Variants in FXR1 observed in about 807,000 individuals in gnomAD.
FXR1 encodes the protein RNA-binding protein FXR1.
A neutral mutation model predicts 84.0 loss-of-function variants in FXR1; 15 were observed. The ratio of observed to expected loss-of-function variants is 0.18; its 90% confidence interval spans 0.12 to 0.27. The LOEUF is 0.27. FXR1 is among the 10% of genes least tolerant of loss of function. The pLI, the probability that FXR1 is intolerant of heterozygous loss-of-function variation, is 1.00. For synonymous variants in FXR1, 245 were observed against 250.7 expected, an observed-to-expected ratio of 0.98 and a Z score of 0.21; for missense variants, 480 against 774.4, an observed-to-expected ratio of 0.62 and a Z score of 4.51.
chr3:180,916,859 G>A lies in FXR1; in HGVS notation c.51+4123G>A, dbSNP rs190604513. On this transcript the variant is annotated intron_variant, in intron 1 of 16. Transcript: ENST00000357559. ...TTACATTTTTTTGTTTTCTTGAGAC[G>A]GAGTCTTGCTCTGTCACCAGGCTGG... Among the ~76,000 whole-genome samples, 1,003 of 151,976 alleles carry A rather than the reference G, an allele frequency of 6.6e-3. 4 individuals carry two copies. Among genetic ancestry groups the A allele is most frequent in the Non-Finnish European group, 0.011 (717 of 67,982 alleles).
At chr3:180,930,123 C>T (rs767799046) in intron 1 of FXR1, among the ~76,000 whole-genome samples, 15 of 152,056 alleles carry the variant, frequency 9.9e-5, no homozygotes, top group Non-Finnish European at 2.1e-4. Flanking sequence ...ATTAGCTGGG[C>T]GTGGTGGCGT....
At chr3:180,965,212 C>T (rs1712667100) in intron 13 of FXR1, among the ~76,000 whole-genome samples, 1 of 152,028 alleles carries the variant, frequency 6.6e-6, no homozygotes, top group East Asian at 1.9e-4. Flanking sequence ...GACAGGGTTT[C>T]TCCATGTTGG....
rs529783282 is a variant in FXR1 at position 180,963,101 on chromosome 3, ATTTTTTT to A, written c.1198+23_1198+29del. On this transcript the variant is annotated intron_variant, in intron 13 of 16. Transcript: ENST00000357559. ...ACACCTCCGGTTATGGTAAAAAAAA[ATTTTTTT>A]TTTTTTTTTTTGGTAATAGTAATAA... The A allele has an allele frequency of 9.0e-5, 78 of 867,324 alleles. No homozygotes were observed. The highest frequency in any genetic ancestry group is 1.3e-4 in the Non-Finnish European group (75 of 556,334). The allele number at this position is 867,324 out of a possible 1,614,324, so 53.7% of individuals were successfully genotyped here.
chr3:180,974,695 A>G (rs1269042521), intron 15 of FXR1, among the ~76,000 whole-genome samples: 2 of 152,064 alleles, frequency 1.3e-5, no homozygotes, highest in Admixed American at 6.6e-5. Flanking sequence ...ACTCTGATCA[A>G]TGTCCACATT....
chr3:180,955,210 G>C (rs1722631348), intron 9 of FXR1, among the ~76,000 whole-genome samples: 1 of 151,976 alleles, frequency 6.6e-6, no homozygotes, highest in Non-Finnish European at 1.5e-5. Context: ...GGCCAGGCTG[G>C]TCTTGAACTC....
At chr3:180,923,072 A>C (rs1006856254) in intron 1 of FXR1, among the ~76,000 whole-genome samples, 1 of 151,742 alleles carries the variant, frequency 6.6e-6, no homozygotes, top group African/African-American at 2.4e-5. Context: ...GTTACTTTGG[A>C]GTTTTATTTT....
At chr3:180,935,955 G>A (rs891657828) in intron 3 of FXR1, among the ~76,000 whole-genome samples, 3 of 151,918 alleles carry the variant, frequency 2.0e-5, no homozygotes, top group Admixed American at 6.6e-5. Flanking sequence ...GCAATGGCGC[G>A]ATCTTGGCTC....
chr3:180,924,197 G>C (rs1327891556), intron 1 of FXR1, among the ~76,000 whole-genome samples: 1 of 152,094 alleles, frequency 6.6e-6, no homozygotes, highest in African/African-American at 2.4e-5. Flanking sequence ...TGATCTGCCT[G>C]CCTCGACCTC....
intron 8 of FXR1, 59 bp downstream of exon 8, chr3:180,951,527 T>C: frequency 8.3e-7 from 1 of 1,201,488 alleles, no homozygotes; most frequent in Non-Finnish European, 1.2e-6. Context: ...TGTTTGATTA[T>C]ATTTTTATCT....
chr3:180,925,310 A>AT (rs1560163525), intron 1 of FXR1, among the ~76,000 whole-genome samples: 1 of 151,660 alleles, frequency 6.6e-6, no homozygotes, highest in Admixed American at 6.6e-5. Flanking sequence ...CAGTGAGCTG[A>AT]TATCAGGCCA....
chr3:180,937,601 ATG>A (rs924847463), intron 3 of FXR1, among the ~76,000 whole-genome samples: 2 of 152,186 alleles, frequency 1.3e-5, no homozygotes, highest in African/African-American at 2.4e-5. Flanking sequence ...TGAAATTAAA[ATG>A]TGATTTTTTT....
At chr3:180,927,379 G>C (rs1719351126) in intron 1 of FXR1, among the ~76,000 whole-genome samples, 1 of 151,868 alleles carries the variant, frequency 6.6e-6, no homozygotes, top group Admixed American at 6.6e-5. Flanking sequence ...ATGATATTTT[G>C]TCTGCCCTCA....
chr3:180,913,946 A>G (rs188449040), intron 1 of FXR1, among the ~76,000 whole-genome samples: 262 of 152,004 alleles, frequency 1.7e-3, no homozygotes, highest in African/African-American at 6.1e-3. Flanking sequence ...ACGATTTTCT[A>G]TTTTCAGCAT....
chr3:180,972,144 C>G (rs1713660329), intron 15 of FXR1, among the ~76,000 whole-genome samples: 1 of 152,106 alleles, frequency 6.6e-6, no homozygotes, highest in Non-Finnish European at 1.5e-5. Context: ...CCTTCCCCTT[C>G]TTTCCTCCCC....
intron 10 of FXR1, 98 bp from the exon 11 acceptor site, chr3:180,961,367 AGGT>A (rs1250035980): frequency 4.3e-4 from 50 of 116,464 alleles, no homozygotes; most frequent in South Asian, 9.4e-4. Context: ...AAAAAAAAAA[AGGT>A]GTGTGTGTGT....
rs1266283534 is a variant in FXR1, at chr3:180,949,192, T to A, written c.514-35T>A. 8 of 1,044,996 alleles carry A rather than the reference T, an allele frequency of 7.7e-6. 1 individual carries two copies. Among genetic ancestry groups the A allele is most frequent in the Non-Finnish European group, 1.2e-5 (8 of 660,194 alleles). 64.7% of individuals were successfully genotyped at this position (1,044,996 alleles called of 1,614,324 possible). A position where few individuals can be genotyped will look rare whatever the true frequency, so the allele number is the denominator to read the frequency against. ...GTGTTTGTGCTATTTGGAAGAATGATTAAAGTTTTGAGTAATTAGCTTGTT... is the reference window on the plus strand; with the variant it reads ...GTGTTTGTGCTATTTGGAAGAATGAATAAAGTTTTGAGTAATTAGCTTGTT... On this transcript the variant is annotated intron_variant, in intron 6 of 16. Transcript: ENST00000357559.
intron 1 of FXR1, among the ~76,000 whole-genome samples, chr3:180,918,197 T>C (rs1289564361): frequency 6.6e-6 from 1 of 152,202 alleles, no homozygotes; most frequent in Non-Finnish European, 1.5e-5. Context: ...TGTAAGATAA[T>C]AGTTTAAGAT....
chr3:180,923,568 C>T (rs1016209235), intron 1 of FXR1, among the ~76,000 whole-genome samples: 4 of 151,832 alleles, frequency 2.6e-5, no homozygotes, highest in African/African-American at 9.7e-5. Context: ...ACTATGTAGA[C>T]AGTCCAGAAA....
In FXR1 at chr3:180,980,223, A is replaced by G. The variant is rs2108503151; in HGVS notation, c.*3931A>G. 6.6e-6 allele frequency: 1 copy of G among 152,180 alleles called. No individual in the cohort carries two copies. Among genetic ancestry groups the G allele is most frequent in the South Asian group, 2.1e-4 (1 of 4,828 alleles). 9.4% of individuals were successfully genotyped at this position (152,180 alleles called of 1,614,324 possible). On this transcript the variant is annotated 3_prime_UTR_variant, in exon 17 of 17. Transcript: ENST00000357559. The stretch of plus-strand genomic sequence containing the variant: ...GCTGAATTTAAGTGGTGTTTGTTTT[A>G]CATATGTATCCATCCCAGACATTTT...
Sources: gnomAD v4.1 joint callset for allele counts (sites outside exome capture counted in the v4.1 genomes callset) on GRCh38, gnomAD v4.1.1 for gene constraint, MANE v1.5 for transcripts, NCBI Gene and HGNC (gene_info 2026-07-23, HGNC 2026-07-21) for gene names.